PPARGC1A: variants seen among roughly 807,000 people sequenced by gnomAD.
PPARGC1A encodes PPARG coactivator 1 alpha.
PPARGC1A carries 25 observed loss-of-function variants against 88.7 expected under a neutral mutation model. The ratio of observed to expected loss-of-function variants is 0.28; its 90% CI spans 0.21 to 0.39. The LOEUF (loss-of-function observed/expected upper bound fraction) is 0.39, where lower values mean the gene tolerates loss of function less well. Ranked by LOEUF, PPARGC1A falls within the 10% of genes least tolerant of loss-of-function variation. The pLI, the probability that PPARGC1A is intolerant of heterozygous loss-of-function variation, is 1.00. For missense variants in PPARGC1A, 880 were observed against 968.7 expected, an observed-to-expected ratio of 0.91 and a Z score of 1.22; for synonymous variants, 363 against 355.6, an observed-to-expected ratio of 1.02 and a Z score of -0.24.
chr4:24,286,343 C>T, the PPARGC1A span, among the ~76,000 whole-genome samples: 3 of 152,186 alleles, frequency 2.0e-5, no homozygotes, highest in Admixed American at 2.0e-4. Context: ...ATAGCAACCA[C>T]TTCCCATGAT....
Position 23,813,744 on chromosome 4 carries a change from CG to C in PPARGC1A, c.1738del (p.Arg580AspfsTer41). 6.2e-7 allele frequency: 1 copy of C among 1,612,518 alleles called. No individual in the cohort carries two copies. The highest frequency in any genetic ancestry group is 2.2e-5 in the East Asian group (1 of 44,860). On this transcript the variant is annotated frameshift_variant, in exon 8 of 13. Transcript: ENST00000264867. LOFTEE classifies it high-confidence loss of function. Reference protein sequence around the residue: ...RSFSRHRSCSRSPYSRSRSRS... With the variant: ...RSFSRHRSCSXSPYSRSRSRS... ...TGATCTTGACCTGGAATATGGTGAT[CG>C]GGAACACGACCTGTGTCGAGAAAAG...
At chr4:24,383,879 C>T in the PPARGC1A span, among the ~76,000 whole-genome samples, 1 of 152,060 alleles carries the variant, frequency 6.6e-6, no homozygotes, top group Non-Finnish European at 1.5e-5. Flanking sequence ...TAGAGAACGC[C>T]ACAAAGATAC....
chr4:24,263,456 TACACACACAC>T, the PPARGC1A span, among the ~76,000 whole-genome samples: 27 of 150,094 alleles, frequency 1.8e-4, no homozygotes, highest in Non-Finnish European at 1.2e-4. Context: ...TGTGGGTGTA[TACACACACAC>T]ACACACACAC....
At chr4:23,881,163 G>C (rs921625343) in intron 2 of PPARGC1A, 11 of 152,300 alleles carry the variant, frequency 7.2e-5, no homozygotes, top group African/African-American at 2.4e-4. Flanking sequence ...AAGTTATGTT[G>C]CAATATTCTG....
the PPARGC1A span, among the ~76,000 whole-genome samples, chr4:24,325,761 G>C: frequency 7.9e-5 from 12 of 152,136 alleles, no homozygotes; most frequent in African/African-American, 2.9e-4. Context: ...AGGTAAGTCC[G>C]TCCCCTTCTT....
chr4:24,350,623 A>C, the PPARGC1A span, among the ~76,000 whole-genome samples: 2 of 152,224 alleles, frequency 1.3e-5, no homozygotes, highest in African/African-American at 4.8e-5. Context: ...TATCAACCCC[A>C]AAAGATGAAA....
chr4:24,361,637 A>G, the PPARGC1A span, among the ~76,000 whole-genome samples: 2 of 152,256 alleles, frequency 1.3e-5, no homozygotes, highest in East Asian at 1.9e-4. Context: ...GCTTAAAACA[A>G]TCCAAATCTA....
the PPARGC1A span, among the ~76,000 whole-genome samples, chr4:24,104,991 TCA>T: frequency 6.6e-6 from 1 of 152,292 alleles, no homozygotes; most frequent in South Asian, 2.1e-4. Flanking sequence ...GCATATTAAA[TCA>T]CAGTGTGAAC....
At chr4:24,426,425 G>A in the PPARGC1A span, among the ~76,000 whole-genome samples, 6 of 152,052 alleles carry the variant, frequency 3.9e-5, no homozygotes, top group South Asian at 2.1e-4. Context: ...AAACAGCAGC[G>A]ATATACCAGC....
the PPARGC1A span, among the ~76,000 whole-genome samples, chr4:24,197,937 A>G: frequency 1.3e-5 from 2 of 152,174 alleles, no homozygotes; most frequent in Admixed American, 6.5e-5. Flanking sequence ...ACTTAAATTC[A>G]CCCATCACAA....
In PPARGC1A at chr4:23,829,470, A is replaced by G. The variant is rs1411902481; in HGVS notation, c.545T>C (p.Ile182Thr). Residue 182 changes from isoleucine (I) to threonine (T), a missense_variant, in exon 4 of 13, where the codon ATT becomes ACT. Coordinates refer to ENST00000264867, the MANE Select transcript of PPARGC1A (RefSeq NM_013261.5). ...HNHRIRTNPA[I>T]VKTENSWSNK... The stretch of plus-strand genomic sequence containing the variant: ...AAAAATTTACATTTGTACCTTAACA[A>G]TTGCAGGGTTTGTTCTGATCCTGTG... The G allele has an allele frequency of 1.2e-6, 2 of 1,612,874 alleles. No individual in the cohort carries two copies. The highest frequency in any genetic ancestry group is 1.7e-6 in the Non-Finnish European group (2 of 1,179,228).
the PPARGC1A span, among the ~76,000 whole-genome samples, chr4:24,369,993 A>AG: frequency 5.7e-4 from 87 of 152,234 alleles, no homozygotes; most frequent in African/African-American, 2.0e-3. Flanking sequence ...TCCATCAAAG[A>AG]GAAAGGCTTG....
the PPARGC1A span, among the ~76,000 whole-genome samples, chr4:24,205,095 G>A: frequency 6.6e-6 from 1 of 152,170 alleles, no homozygotes; most frequent in Non-Finnish European, 1.5e-5. Flanking sequence ...AAAGTTCTGG[G>A]ATTACAGGCA....
the PPARGC1A span, among the ~76,000 whole-genome samples, chr4:24,049,156 G>T: frequency 6.7e-6 from 1 of 150,310 alleles, no homozygotes; most frequent in Admixed American, 6.6e-5. Context: ...GTGTGTGAGT[G>T]TGTGTAAGAG....
chr4:23,869,393 A>G (rs1205325246), intron 2 of PPARGC1A, among the ~76,000 whole-genome samples: 1 of 152,112 alleles, frequency 6.6e-6, no homozygotes, highest in Non-Finnish European at 1.5e-5. Context: ...ATATTAATGA[A>G]GGGTTGTGGC....
the PPARGC1A span, among the ~76,000 whole-genome samples, chr4:24,160,102 G>C: frequency 0.096 from 14,572 of 152,162 alleles, 1,046 homozygotes; most frequent in East Asian, 0.25. Context: ...TCAAATCCCA[G>C]CTCTCCTTCT....
rs557887058 is a variant in PPARGC1A at position 23,857,042 on chromosome 4, T to G, written c.235-25291A>C. On this transcript the variant is annotated intron_variant, in intron 2 of 12. Transcript: ENST00000264867. ...CTTATATTATTTCTACATATATTAT[T>G]TGAAAACTTAAAAAATGGAAAGGCT... 7.4e-4 allele frequency among the ~76,000 whole-genome samples: 113 copies of G among 152,288 alleles called. 1 individual carries two copies. The highest frequency in any genetic ancestry group is 2.5e-3 in the South Asian group (12 of 4,826).
chr4:24,343,836 C>T, the PPARGC1A span, among the ~76,000 whole-genome samples: 1 of 151,682 alleles, frequency 6.6e-6, no homozygotes, highest in African/African-American at 2.4e-5. Context: ...TGTGGTGCAC[C>T]CATCACCCGA....
At chr4:24,097,214 G>T in the PPARGC1A span, among the ~76,000 whole-genome samples, 2 of 152,132 alleles carry the variant, frequency 1.3e-5, no homozygotes, top group Non-Finnish European at 2.9e-5. Flanking sequence ...GTAAAAGATG[G>T]TACTTTACCC....
Sources: allele counts gnomAD v4.1 joint callset (sites outside exome capture counted in the v4.1 genomes callset), GRCh38; gene constraint gnomAD v4.1.1; transcripts MANE v1.5; gene names NCBI Gene and HGNC (gene_info 2026-07-23, HGNC 2026-07-21).